The following C12orf42 variants were observed in gnomAD, a reference collection of about 807,000 sequenced individuals.
C12orf42 encodes uncharacterized protein C12orf42.
In C12orf42, 25 loss-of-function variants were observed where a neutral mutation model predicts 21.6. That is an observed-to-expected ratio of 1.16 (90% CI 0.84 to 1.62). The LOEUF (loss-of-function observed/expected upper bound fraction) is 1.62, where lower values mean the gene tolerates loss of function less well. Ranked by LOEUF, C12orf42 falls within the 40% of genes most tolerant of loss-of-function variation. The pLI is 0.00. For synonymous variants in C12orf42, 174 were observed against 175.0 expected (o/e 0.99, Z 0.05); for missense variants, 483 against 459.3 (o/e 1.05, Z -0.47).
upstream of C12orf42, among the ~76,000 whole-genome samples, chr12:103,498,506 C>G (rs1351084415): frequency 1.3e-5 from 2 of 152,208 alleles, no homozygotes; most frequent in African/African-American, 4.8e-5. Flanking sequence ...AATCTCCCCA[C>G]TTGTGACAAT....
At chr12:103,537,866 A>C in the C12orf42 span, among the ~76,000 whole-genome samples, 2 of 152,230 alleles carry the variant, frequency 1.3e-5, no homozygotes, top group Non-Finnish European at 2.9e-5. Context: ...AGAAAAAGAT[A>C]ATGGATTTCC....
At chr12:103,553,352 C>G in the C12orf42 span, among the ~76,000 whole-genome samples, 1 of 152,104 alleles carries the variant, frequency 6.6e-6, no homozygotes, top group Non-Finnish European at 1.5e-5. Context: ...GACTCGCAGG[C>G]TCACTTAGTT....
intron 3 of C12orf42, among the ~76,000 whole-genome samples, chr12:103,380,946 C>A (rs1370631525): frequency 1.3e-5 from 2 of 152,122 alleles, no homozygotes; most frequent in Non-Finnish European, 2.9e-5. Context: ...ATATAGGGTA[C>A]CTGATATTCA....
intron 4 of C12orf42, among the ~76,000 whole-genome samples, chr12:103,285,002 C>A (rs1179817277): frequency 6.6e-6 from 1 of 152,130 alleles, no homozygotes; most frequent in East Asian, 1.9e-4. Flanking sequence ...GCAAATGATT[C>A]CCTTATCTAG....
rs146134478 is a variant in C12orf42, at chr12:103,317,780, T to C, written c.260-11435A>G. On this transcript the variant is annotated intron_variant, in intron 4 of 5. Transcript: ENST00000548883. ...TGAAACACTATGTTACCACATGAAA[T>C]TGGTATTTTGTAGGTCAAAAATGGT... is the stretch of plus-strand genomic sequence containing the variant. 2.6e-5 allele frequency among the ~76,000 whole-genome samples: 4 copies of C among 152,272 alleles called. No homozygotes were observed. In the East Asian group the frequency reaches 7.7e-4, roughly 29 times the overall value.
chr12:103,294,280 T>C (rs533000661), intron 4 of C12orf42, among the ~76,000 whole-genome samples: 2 of 150,898 alleles, frequency 1.3e-5, no homozygotes, highest in African/African-American at 4.9e-5. Flanking sequence ...CAAAATTGGA[T>C]TGATTCCCAT....
chr12:103,458,041 C>T (rs1348841906), intron 2 of C12orf42, among the ~76,000 whole-genome samples: 1 of 152,154 alleles, frequency 6.6e-6, no homozygotes, highest in Admixed American at 6.6e-5. Flanking sequence ...ATTGACTGGT[C>T]ATCTTGAAAC....
At chr12:103,294,444 A>AAGAAAGAAAG (rs1176508893) in intron 4 of C12orf42, among the ~76,000 whole-genome samples, 1 of 127,154 alleles carries the variant, frequency 7.9e-6, no homozygotes, top group Non-Finnish European at 1.6e-5. Flanking sequence ...GAAAGAAAGA[A>AAGAAAGAAAG]AGAAAGAAAG....
rs140946856 is a variant in C12orf42, at chr12:103,416,385, A to G, written c.79-14710T>C. ...CCCACTGCACTGGGCAGAGCTCAAC[A>G]TATTGGAAAAATATACACATTTTCT... On this transcript the variant is annotated intron_variant, in intron 2 of 5. Transcript: ENST00000548883. Among the ~76,000 whole-genome samples, 852 of 152,228 alleles carry G rather than the reference A, an allele frequency of 5.6e-3. 9 individuals are homozygous for G. Among genetic ancestry groups the G allele is most frequent in the African/African-American group, 0.02 (816 of 41,556 alleles).
chr12:103,145,658 C>G, the C12orf42 span, among the ~76,000 whole-genome samples: 1 of 151,942 alleles, frequency 6.6e-6, no homozygotes, highest in Non-Finnish European at 1.5e-5. Flanking sequence ...AGTGTAAACA[C>G]AAAGATGTTA....
the C12orf42 span, among the ~76,000 whole-genome samples, chr12:103,132,251 A>C: frequency 1.3e-5 from 2 of 152,176 alleles, no homozygotes; most frequent in African/African-American, 4.8e-5. Context: ...TTGGAATTCA[A>C]CCGAAAAGTG....
downstream of C12orf42, among the ~76,000 whole-genome samples, chr12:103,301,710 T>C (rs1299137980): frequency 6.6e-6 from 1 of 152,174 alleles, no homozygotes; most frequent in Non-Finnish European, 1.5e-5. Context: ...CAAACTCTCT[T>C]TAGAAATTCT....
intron 1 of C12orf42, among the ~76,000 whole-genome samples, chr12:103,494,651 T>C (rs1955397767): frequency 6.6e-6 from 1 of 152,236 alleles, no homozygotes; most frequent in Non-Finnish European, 1.5e-5. Context: ...TTCAGACTTT[T>C]TTTTCCTCTT....
chr12:103,348,912 A>T (rs959368805), intron 4 of C12orf42, among the ~76,000 whole-genome samples: 4 of 152,188 alleles, frequency 2.6e-5, no homozygotes, highest in Non-Finnish European at 5.9e-5. Flanking sequence ...CAGTGACAAA[A>T]TCAAATCAAT....
chr12:103,439,786 AG>A (rs1416465586), intron 2 of C12orf42, among the ~76,000 whole-genome samples: 1 of 151,454 alleles, frequency 6.6e-6, no homozygotes, highest in African/African-American at 2.4e-5. Context: ...GTGGAGAAAT[AG>A]GAACACTTTT....
the C12orf42 span, among the ~76,000 whole-genome samples, chr12:103,055,374 T>C: frequency 1.3e-5 from 2 of 151,916 alleles, no homozygotes; most frequent in Non-Finnish European, 2.9e-5. Flanking sequence ...ATCTTTGTTA[T>C]CCTTTTGATG....
the C12orf42 span, among the ~76,000 whole-genome samples, chr12:103,219,669 A>T: frequency 6.6e-6 from 1 of 152,222 alleles, no homozygotes; most frequent in Non-Finnish European, 1.5e-5. Flanking sequence ...ACCGCTCATC[A>T]TCCCTGGCCA....
intron 4 of C12orf42, among the ~76,000 whole-genome samples, chr12:103,367,293 G>A (rs1049847535): frequency 6.6e-6 from 1 of 151,926 alleles, no homozygotes; most frequent in East Asian, 1.9e-4. Flanking sequence ...GGATTCAGGG[G>A]AAATAGTAGG....
intron 4 of C12orf42, among the ~76,000 whole-genome samples, chr12:103,363,932 G>T (rs575838875): frequency 3.3e-5 from 5 of 151,994 alleles, no homozygotes; most frequent in African/African-American, 1.2e-4. Context: ...CACTAGACAG[G>T]CCATCATGGC....
Sources: allele counts gnomAD v4.1 joint callset (sites outside exome capture counted in the v4.1 genomes callset), GRCh38; gene constraint gnomAD v4.1.1; transcripts MANE v1.5; gene names NCBI Gene and HGNC (gene_info 2026-07-23, HGNC 2026-07-21).